RLF: variants seen among roughly 807,000 people sequenced by gnomAD.
RLF encodes zinc finger protein Rlf.
A neutral mutation model predicts 162.9 loss-of-function variants in RLF; 7 were observed. The ratio of observed to expected loss-of-function variants is 0.04; its 90% CI spans 0.02 to 0.08. The LOEUF is 0.08. Ranked by LOEUF, RLF falls within the 10% of genes least tolerant of loss-of-function variation. The probability of loss-of-function intolerance (pLI) is 1.00; values close to 1 mark genes in which losing one functional copy is unlikely to be tolerated. For missense variants in RLF, 1,664 were observed against 2,244.7 expected, an observed-to-expected ratio of 0.74 and a Z score of 5.23; for synonymous variants, 782 against 791.5, an observed-to-expected ratio of 0.99 and a Z score of 0.20.
At position 40,161,721 on chromosome 1, in the gene RLF, C is replaced by T; in HGVS notation, c.237+85C>T. 1 of 1,528,848 alleles carries T rather than the reference C, an allele frequency of 6.5e-7. No individual in the cohort carries two copies. The highest frequency in any genetic ancestry group is 8.7e-7 in the Non-Finnish European group (1 of 1,148,680). 94.7% of individuals were successfully genotyped at this position (1,528,848 alleles called of 1,614,324 possible). On this transcript the variant is annotated intron_variant, in intron 1 of 7. Coordinates refer to ENST00000372771, the MANE Select transcript of RLF (RefSeq NM_012421.4). This position sits in a 1 kb window ranked among gnomAD's most constrained non-coding sequence, Gnocchi z 4.4. ...TGGATCCTCTGTAAGCAGCCGGGTC[C>T]AAACTGAAAGGCGCCACCTCCGTGA...
rs753303305 is a variant in RLF at position 40,238,350 on chromosome 1, C to T, written c.3648C>T (p.Gly1216=). 3.2e-5 allele frequency: 52 copies of T among 1,613,930 alleles called. No homozygotes were observed. In the East Asian group the frequency reaches 1.1e-3, roughly 35 times the overall value. The change falls in exon 8 of 8, where the codon GGC becomes GGT. Residue 1216 remains glycine, a synonymous_variant. Coordinates refer to ENST00000372771, the MANE Select transcript of RLF (RefSeq NM_012421.4). This position sits in a 1 kb window ranked among gnomAD's most constrained non-coding sequence, Gnocchi z 5.2. Reference sequence around the variant, plus strand: ...ATAATGAAAAGTGTGATCATGAAGGCCCATGTTCAGTAGATAGGTTGAAAG... The same window carrying T: ...ATAATGAAAAGTGTGATCATGAAGGTCCATGTTCAGTAGATAGGTTGAAAG... The part of the protein sequence containing the change: ...LLDNEKCDHE[G]PCSVDRLKGD...
intron 1 of RLF, among the ~76,000 whole-genome samples, chr1:40,162,285 A>T (rs565757371): frequency 1.3e-5 from 2 of 150,214 alleles, no homozygotes; most frequent in African/African-American, 2.5e-5. Context: ...GTAGAAGAGG[A>T]TGGGAAGAGG....
intron 6 of RLF, among the ~76,000 whole-genome samples, chr1:40,224,623 C>CTTTTTTTTTTTTTTTTTTTTTTT (rs1168908018): frequency 9.0e-5 from 3 of 33,262 alleles, no homozygotes; most frequent in African/African-American, 1.2e-4. Context: ...TTTTTGAAAG[C>CTTTTTTTTTTTTTTTTTTTTTTT]TTTTTTTTTT....
intron 4 of RLF, among the ~76,000 whole-genome samples, chr1:40,201,175 C>G (rs1177046556): frequency 2.0e-5 from 3 of 147,772 alleles, no homozygotes; most frequent in Non-Finnish European, 4.5e-5. Flanking sequence ...CCTAGGTGAT[C>G]TAGGCACTTT....
Position 40,238,538 on chromosome 1 carries a change from GAGA to G in RLF, c.3841_3843del (p.Glu1281del), listed in dbSNP as rs376322580. On this transcript the variant is annotated inframe_deletion, in exon 8 of 8. Transcript: ENST00000372771. This position sits in a 1 kb window ranked among gnomAD's most constrained non-coding sequence, Gnocchi z 5.2. ...ATTTCATCACCAATAGGCAGCCATA[GAGA>G]AGAACAAGAAGGAAGAGAGGGCAGA... The G allele has an allele frequency of 8.1e-6, 13 of 1,613,854 alleles. No homozygotes were observed. The highest frequency in any genetic ancestry group is 1.1e-5 in the Non-Finnish European group (13 of 1,179,994).
chr1:40,237,165 C>T lies in RLF; in HGVS notation c.2463C>T (p.His821=). ...FYYSKIEYQN[H]LSMHNVENSN... is the part of the protein sequence containing the mutation. Reference sequence around the variant, plus strand: ...ACTCCAAAATTGAATACCAGAATCACCTCTCAATGCATAATGTTGAAAATT... The same window carrying T: ...ACTCCAAAATTGAATACCAGAATCATCTCTCAATGCATAATGTTGAAAATT... The change falls in exon 8 of 8, where the codon CAC becomes CAT. Residue 821 remains histidine, a synonymous_variant. Coordinates refer to ENST00000372771, the MANE Select transcript of RLF (RefSeq NM_012421.4). The surrounding 1 kb of genome is among the most constrained non-coding windows in gnomAD (Gnocchi z 4.4). The T allele has an allele frequency of 1.9e-6, 3 of 1,614,002 alleles. No individual in the cohort carries two copies. The highest frequency in any genetic ancestry group is 2.5e-6 in the Non-Finnish European group (3 of 1,179,990).
chr1:40,179,466 C>T lies in RLF; in HGVS notation c.238-9589C>T, dbSNP rs1211229872. ...ATTTATCCTCCCTGCCCCCAGCCCC[C>T]GTCGTCTTCCTTTTGCATGATCATC... is the stretch of plus-strand genomic sequence containing the variant. On this transcript the variant is annotated intron_variant, in intron 1 of 7. Transcript: ENST00000372771. Among the ~76,000 whole-genome samples the T allele has an allele frequency of 5.3e-5, 8 of 151,934 alleles. No individual in the cohort carries two copies. In the East Asian group the frequency reaches 7.7e-4, roughly 15 times the overall value.
intron 1 of RLF, chr1:40,177,696 A>G (rs1049730405): frequency 5.9e-5 from 9 of 152,006 alleles, no homozygotes; most frequent in East Asian, 5.8e-4. Flanking sequence ...ATGTTCTGCT[A>G]TTTTCTTCTG....
rs755641201 is a variant in RLF, at chr1:40,240,111, G to A, written c.5409G>A (p.Gln1803=). Reference sequence around the variant, plus strand: ...ACTTAACATTAAGTAATTCTTCACAGTCCAGTAATGATTTAACAGGGAATG... The same window carrying A: ...ACTTAACATTAAGTAATTCTTCACAATCCAGTAATGATTTAACAGGGAATG... The part of the protein sequence containing the change: ...SEHLTLSNSS[Q]SSNDLTGNVV... The change falls in exon 8 of 8, where the codon CAG becomes CAA. Residue 1803 remains glutamine (Q), a synonymous_variant. Transcript: ENST00000372771. 12 of 1,614,024 alleles carry A rather than the reference G, an allele frequency of 7.4e-6. No individual in the cohort carries two copies. The Admixed American group carries it at 1.5e-4, about 20-fold the overall frequency.
intron 4 of RLF, among the ~76,000 whole-genome samples, chr1:40,198,533 G>A (rs372508232): frequency 6.6e-6 from 1 of 151,872 alleles, no homozygotes; most frequent in African/African-American, 2.4e-5. Flanking sequence ...ACTCCTGACC[G>A]CAGATGATCC....
Position 40,235,915 on chromosome 1 carries a change from G to A in RLF, c.1213G>A (p.Asp405Asn). Residue 405 changes from aspartate (D) to asparagine (N), a missense_variant, in exon 8 of 8, where the codon GAT (aspartate) becomes AAT (asparagine). Physicochemically the swap from Asp to Asn is conservative, Grantham distance 23. Transcript: ENST00000372771. Reference protein sequence around the residue: ...CKTIACLLPEDLEVRRACQLT... With the variant: ...CKTIACLLPENLEVRRACQLT... ...AACAATTGCCTGTCTTTTACCAGAA[G>A]ATTTAGAAGTTAGACGAGCCTGTCA... 1 of 1,614,118 alleles carries A rather than the reference G, an allele frequency of 6.2e-7. No homozygotes were observed.
At chr1:40,199,097 G>C (rs1037007280) in intron 4 of RLF, among the ~76,000 whole-genome samples, 1 of 152,228 alleles carries the variant, frequency 6.6e-6, no homozygotes, top group Non-Finnish European at 1.5e-5. Context: ...TGTAATCCAT[G>C]AAACAGGTGA....
chr1:40,222,143 C>T (rs56887960), intron 5 of RLF, among the ~76,000 whole-genome samples: 7,909 of 152,018 alleles, frequency 0.052, 604 homozygotes, highest in African/African-American at 0.17. Flanking sequence ...AACTGGCCTC[C>T]TTTAGCCCCA....
chr1:40,185,176 G>C (rs11807077), intron 1 of RLF, among the ~76,000 whole-genome samples: 1 of 151,960 alleles, frequency 6.6e-6, no homozygotes, highest in African/African-American at 2.4e-5. Flanking sequence ...CTTGAGCCTA[G>C]GAGTTTGAGG....
chr1:40,215,371 A>AC (rs768215385), intron 5 of RLF, among the ~76,000 whole-genome samples: 3 of 152,252 alleles, frequency 2.0e-5, no homozygotes, highest in Middle Eastern at 6.8e-3. Context: ...TCCAGGATAG[A>AC]CCATGTGTTA....
At chr1:40,173,234 G>A (rs1198304283) in intron 1 of RLF, among the ~76,000 whole-genome samples, 6 of 151,560 alleles carry the variant, frequency 4.0e-5, no homozygotes, top group Non-Finnish European at 8.8e-5. Context: ...GCGCCACCAC[G>A]CCCAGATAAT....
At chr1:40,195,817 T>C in intron 4 of RLF, 53 bp downstream of exon 4, 1 of 1,535,446 alleles carries the variant, frequency 6.5e-7, no homozygotes, top group East Asian at 2.3e-5. Context: ...ACGTTGGAAT[T>C]GATTATGGGT....
intron 7 of RLF, among the ~76,000 whole-genome samples, chr1:40,233,913 C>T (rs1280961744): frequency 6.6e-6 from 1 of 152,196 alleles, no homozygotes; most frequent in African/African-American, 2.4e-5. Context: ...ACTCCCTTTT[C>T]ACCTACCAGT....
chr1:40,217,371 G>A (rs1570552025), intron 5 of RLF, among the ~76,000 whole-genome samples: 1 of 152,146 alleles, frequency 6.6e-6, no homozygotes, highest in African/African-American at 2.4e-5. Flanking sequence ...GGAGGCTGAG[G>A]CAGGAGAGAG....
Sources: gnomAD v4.1 joint callset for allele counts (sites outside exome capture counted in the v4.1 genomes callset) on GRCh38, gnomAD v4.1.1 for gene constraint, Gnocchi (gnomAD v3.1) non-coding constraint, MANE v1.5 for transcripts, NCBI Gene and HGNC (gene_info 2026-07-23, HGNC 2026-07-21) for gene names.